The following CADM1 variants were observed in gnomAD, a reference collection of about 807,000 sequenced individuals.
CADM1 encodes cell adhesion molecule 1.
Under a neutral mutation model 53.1 loss-of-function variants are expected in CADM1, and 15 were observed. The observed-to-expected ratio is 0.28, with a 90% CI of 0.19 to 0.44. The LOEUF (loss-of-function observed/expected upper bound fraction) is 0.44. Among genes scored for constraint, CADM1 ranks in the 20% least tolerant of loss-of-function variants. The pLI is 1.00. For missense variants in CADM1, 434 were observed against 611.3 expected (o/e 0.71, Z 3.06); for synonymous variants, 281 against 243.0 (o/e 1.16, Z -1.45).
At chr11:115,394,493 G>T (rs990883575) in intron 1 of CADM1, among the ~76,000 whole-genome samples, 1 of 152,016 alleles carries the variant, frequency 6.6e-6, no homozygotes, top group Non-Finnish European at 1.5e-5. Flanking sequence ...AAAAATGCCG[G>T]GTTAAGTTTT....
intron 1 of CADM1, among the ~76,000 whole-genome samples, chr11:115,477,068 G>T (rs532329308): frequency 6.6e-6 from 1 of 152,098 alleles, no homozygotes; most frequent in Non-Finnish European, 1.5e-5. Context: ...AGTCGGGCAG[G>T]ATAGGGCAGG....
At position 115,198,441 on chromosome 11, in the gene CADM1, A is replaced by G. The variant is rs1364372743; in HGVS notation, c.1079-3T>C. ...TGGTTCTGTCGTCGCCGTTGTGTCT[A>G]CAGACGGGAACAGAGGATTGGAGGA... On this transcript the variant is annotated splice_region_variant and splice_polypyrimidine_tract_variant and intron_variant, in intron 8 of 11. Coordinates refer to ENST00000331581, the MANE Select transcript of CADM1 (RefSeq NM_001301043.2). The G allele has an allele frequency of 1.3e-6, 2 of 1,595,094 alleles. No individual in the cohort carries two copies. The highest frequency in any genetic ancestry group is 2.7e-5 in the African/African-American group (2 of 74,868).
chr11:115,308,165 GTGTGTGTGTGTA>G (rs1421246362), intron 1 of CADM1, among the ~76,000 whole-genome samples: 3 of 142,138 alleles, frequency 2.1e-5, no homozygotes, highest in African/African-American at 8.2e-5. Flanking sequence ...GTGTGTGTGT[GTGTGTGTGTGTA>G]TATCACTCAT....
intron 1 of CADM1, among the ~76,000 whole-genome samples, chr11:115,243,021 T>C (rs919746205): frequency 6.6e-6 from 1 of 152,254 alleles, no homozygotes; most frequent in Admixed American, 6.5e-5. Flanking sequence ...ATGTTGTCCA[T>C]GATTTTGTCT....
chr11:115,228,730 C>T (rs553433382), intron 5 of CADM1, among the ~76,000 whole-genome samples: 7 of 151,868 alleles, frequency 4.6e-5, no homozygotes, highest in African/African-American at 9.7e-5. Context: ...AACAAAATGC[C>T]GACGTAAATG....
chr11:115,379,826 C>T (rs539867071), intron 1 of CADM1, among the ~76,000 whole-genome samples: 1 of 152,286 alleles, frequency 6.6e-6, no homozygotes, highest in African/African-American at 2.4e-5. Flanking sequence ...AAACTCCCTA[C>T]AGAAACTATA....
At chr11:115,434,651 G>A (rs942646749) in intron 1 of CADM1, among the ~76,000 whole-genome samples, 1 of 152,078 alleles carries the variant, frequency 6.6e-6, no homozygotes, top group Non-Finnish European at 1.5e-5. Flanking sequence ...TCAGGGTGTA[G>A]TAGGCATTCA....
At chr11:115,225,977 T>C (rs1941591222) in intron 5 of CADM1, among the ~76,000 whole-genome samples, 3 of 152,262 alleles carry the variant, frequency 2.0e-5, no homozygotes, top group Admixed American at 2.0e-4. Context: ...GCATATTTAA[T>C]ACCAATAGTA....
intron 10 of CADM1, among the ~76,000 whole-genome samples, chr11:115,188,661 T>G (rs1010250098): frequency 6.6e-6 from 1 of 152,198 alleles, no homozygotes; most frequent in Non-Finnish European, 1.5e-5. Flanking sequence ...TACCACAGTT[T>G]AGCATTAAAT....
At chr11:115,419,344 T>C (rs897360862) in intron 1 of CADM1, among the ~76,000 whole-genome samples, 6 of 152,208 alleles carry the variant, frequency 3.9e-5, no homozygotes, top group African/African-American at 7.2e-5. Flanking sequence ...AGTACACAAG[T>C]AACTTTAGAA....
intron 1 of CADM1, among the ~76,000 whole-genome samples, chr11:115,476,401 T>A (rs779686702): frequency 2.6e-5 from 4 of 152,144 alleles, no homozygotes; most frequent in Non-Finnish European, 1.5e-5. Context: ...GAATGATTGG[T>A]GATTTGTTTG....
intron 1 of CADM1, chr11:115,399,215 T>TA (rs1227595384): frequency 6.6e-6 from 1 of 152,192 alleles, no homozygotes; most frequent in Non-Finnish European, 1.5e-5. Flanking sequence ...GTTGTATCCT[T>TA]ACGAAAATCC....
chr11:115,200,384 T>C (rs945709017), intron 8 of CADM1, among the ~76,000 whole-genome samples: 1 of 152,260 alleles, frequency 6.6e-6, no homozygotes, highest in African/African-American at 2.4e-5. Flanking sequence ...AACATTTATA[T>C]GCATGTTAAT....
At chr11:115,335,191 C>T (rs997923031) in intron 1 of CADM1, among the ~76,000 whole-genome samples, 5 of 152,044 alleles carry the variant, frequency 3.3e-5, no homozygotes, top group Non-Finnish European at 7.4e-5. Context: ...ATGTCAGGAT[C>T]ACTTTAAACT....
At chr11:115,328,091 CTGAGT>C (rs1945006971) in intron 1 of CADM1, among the ~76,000 whole-genome samples, 4 of 152,040 alleles carry the variant, frequency 2.6e-5, no homozygotes, top group Non-Finnish European at 5.9e-5. Context: ...GATCTTCTTT[CTGAGT>C]TAATTTTCCT....
At chr11:115,309,341 T>C (rs1365041986) in intron 1 of CADM1, among the ~76,000 whole-genome samples, 1 of 152,102 alleles carries the variant, frequency 6.6e-6, no homozygotes, top group Non-Finnish European at 1.5e-5. Flanking sequence ...ACATATAAGA[T>C]TAGCTTTAAC....
rs73583317 is a variant in CADM1, at chr11:115,476,995, C to A, written c.124+27276G>T. Reference sequence around the variant, plus strand: ...AAATCTTAAAATAAATATAATGGGCCACATCCAGCATTTCTTTAAAAAAAA... The same window carrying A: ...AAATCTTAAAATAAATATAATGGGCAACATCCAGCATTTCTTTAAAAAAAA... On this transcript the variant is annotated intron_variant, in intron 1 of 11. Transcript: ENST00000331581. 2.2e-3 allele frequency among the ~76,000 whole-genome samples: 334 copies of A among 151,970 alleles called. 1 individual carries two copies. Among genetic ancestry groups the A allele is most frequent in the African/African-American group, 6.5e-3 (269 of 41,458 alleles).
At chr11:115,271,885 A>G (rs1243483967) in intron 1 of CADM1, among the ~76,000 whole-genome samples, 1 of 152,202 alleles carries the variant, frequency 6.6e-6, no homozygotes, top group Non-Finnish European at 1.5e-5. Flanking sequence ...TGCATCTTTA[A>G]TTAGTCTCAA....
At chr11:115,455,772 T>C (rs7927390) in intron 1 of CADM1, among the ~76,000 whole-genome samples, 131,997 of 152,290 alleles carry the variant, frequency 0.87, 57,505 homozygotes, top group East Asian at 0.99. Flanking sequence ...GCCAACATGG[T>C]GAAGTACTTC....
Sources: gnomAD v4.1 joint callset for allele counts (sites outside exome capture counted in the v4.1 genomes callset) on GRCh38, gnomAD v4.1.1 for gene constraint, MANE v1.5 for transcripts, NCBI Gene and HGNC (gene_info 2026-07-23, HGNC 2026-07-21) for gene names.